Variants in CFAP100 observed in about 807,000 individuals in gnomAD.
CFAP100 encodes the protein cilia- and flagella-associated protein 100.
A neutral mutation model predicts 81.5 loss-of-function variants in CFAP100; 70 were observed. The observed-to-expected ratio is 0.86, with a 90% CI of 0.71 to 1.05. The LOEUF is 1.05. Among genes scored for constraint, CFAP100 ranks in the 50% least tolerant of loss-of-function variants. The pLI, the probability that CFAP100 is intolerant of heterozygous loss-of-function variation, is 0.00. For synonymous variants in CFAP100, 341 were observed against 314.8 expected, an observed-to-expected ratio of 1.08 and a Z score of -0.88; for missense variants, 811 against 776.5, an observed-to-expected ratio of 1.04 and a Z score of -0.53.
At chr3:126,412,684 G>A (rs2083176878) in intron 3 of CFAP100, among the ~76,000 whole-genome samples, 2 of 152,098 alleles carry the variant, frequency 1.3e-5, no homozygotes, top group Non-Finnish European at 2.9e-5. Context: ...TTTGGGGTGG[G>A]CTCATCTTCA....
Position 126,418,374 on chromosome 3 carries a change from G to A in CFAP100, c.419-84G>A, listed in dbSNP as rs576875307. 1.4e-4 allele frequency: 175 copies of A among 1,249,336 alleles called. 1 individual carries two copies. The highest frequency in any genetic ancestry group is 1.3e-3 in the South Asian group (107 of 82,586). 77.4% of individuals were successfully genotyped at this position (1,249,336 alleles called of 1,614,324 possible). A position where few individuals can be genotyped will look rare whatever the true frequency, so the allele number is the denominator to read the frequency against. On this transcript the variant is annotated intron_variant, in intron 5 of 16. Coordinates refer to ENST00000352312, the MANE Select transcript of CFAP100 (RefSeq NM_182628.3). ...GGACGCAAAGCAGTGGCCAGCAGCC[G>A]GTGGAAGGCTCCTCTGCAGACCTGC...
chr3:126,427,418 C>A (rs1371018385), intron 13 of CFAP100, among the ~76,000 whole-genome samples: 1 of 152,086 alleles, frequency 6.6e-6, no homozygotes, highest in Non-Finnish European at 1.5e-5. Context: ...AATGGATAAC[C>A]AAAGTAGCTG....
Position 126,433,107 on chromosome 3 carries a change from C to CA in CFAP100, c.1327dup (p.Met443AsnfsTer14), listed in dbSNP as rs1560082302. On this transcript the variant is annotated frameshift_variant, in exon 14 of 17. Transcript: ENST00000352312. LOFTEE classifies it high-confidence loss of function. ...AACCAGCTGAAGCAGTGGGTCACCA[C>CA]AATGATGATGTCCATCACCAAGGAG... The CA allele has an allele frequency of 5.6e-6, 9 of 1,614,078 alleles. No individual in the cohort carries two copies. The East Asian group carries it at 8.9e-5, about 16-fold the overall frequency.
intron 13 of CFAP100, among the ~76,000 whole-genome samples, chr3:126,425,046 G>A (rs2083387358): frequency 6.6e-6 from 1 of 152,246 alleles, no homozygotes; most frequent in Admixed American, 6.5e-5. Flanking sequence ...CCCAGCCTCA[G>A]GCAAGACTAT....
chr3:126,408,016 C>T (rs1201510227), intron 3 of CFAP100, among the ~76,000 whole-genome samples: 1 of 152,164 alleles, frequency 6.6e-6, no homozygotes, highest in Non-Finnish European at 1.5e-5. Context: ...TGCTCCATGG[C>T]CCAGGCTCCC....
intron 2 of CFAP100, among the ~76,000 whole-genome samples, chr3:126,398,931 G>A (rs989639110): frequency 5.9e-5 from 9 of 152,082 alleles, no homozygotes; most frequent in African/African-American, 1.2e-4. Context: ...CAACTTCACC[G>A]GCTCCATCCA....
intron 13 of CFAP100, among the ~76,000 whole-genome samples, chr3:126,430,119 A>G (rs532605254): frequency 6.6e-6 from 1 of 152,204 alleles, no homozygotes; most frequent in Non-Finnish European, 1.5e-5. Flanking sequence ...TTTCATTATA[A>G]TATGTCCCAA....
intron 7 of CFAP100, 30 bp from the exon 8 acceptor site, chr3:126,419,046 A>ACCCCCCCCCCCCCCCC: frequency 5.4e-6 from 1 of 184,494 alleles, no homozygotes; most frequent in Non-Finnish European, 9.6e-6. Flanking sequence ...CCTTGCCCCC[A>ACCCCCCCCCCCCCCCC]TCCCTCCTCC....
chr3:126,421,959 C>T (rs973161632), intron 11 of CFAP100, among the ~76,000 whole-genome samples: 5 of 152,270 alleles, frequency 3.3e-5, no homozygotes, highest in Non-Finnish European at 7.3e-5. Flanking sequence ...AGGGCTCCCT[C>T]AGCCATGGAC....
At chr3:126,414,391 C>A (rs1349668437) in intron 4 of CFAP100, 2 of 671,348 alleles carry the variant, frequency 3.0e-6, no homozygotes, top group Non-Finnish European at 5.4e-6. Flanking sequence ...CCGTCTGTCA[C>A]CACTCTTCTT....
Position 126,432,914 on chromosome 3 carries a change from C to T in CFAP100, c.1287-155C>T, listed in dbSNP as rs1379012054. On this transcript the variant is annotated intron_variant, in intron 13 of 16. Coordinates refer to ENST00000352312, the MANE Select transcript of CFAP100 (RefSeq NM_182628.3). Reference sequence around the variant, plus strand: ...TTTCCCCTACATTCTACCAGCATTTCTGACCCCCTGGGCATGCAGAGACTT... The same window carrying T: ...TTTCCCCTACATTCTACCAGCATTTTTGACCCCCTGGGCATGCAGAGACTT... 3.9e-5 allele frequency: 24 copies of T among 615,140 alleles called. No individual in the cohort carries two copies. In the Admixed American group the frequency reaches 8.5e-4, roughly 22 times the overall value. 38.1% of individuals were successfully genotyped at this position (615,140 alleles called of 1,614,324 possible). A position where few individuals can be genotyped will look rare whatever the true frequency, so the allele number is the denominator to read the frequency against.
intron 7 of CFAP100, 56 bp from the exon 8 acceptor site, chr3:126,419,020 T>C (rs2083287317): frequency 1.8e-6 from 2 of 1,142,796 alleles, no homozygotes; most frequent in Admixed American, 4.5e-5. Flanking sequence ...CCCTCTTTAA[T>C]AGGCTGCCAC....
chr3:126,401,394 ATT>A (rs1553787527), intron 2 of CFAP100, among the ~76,000 whole-genome samples: 14 of 80,926 alleles, frequency 1.7e-4, no homozygotes, highest in East Asian at 4.6e-4. Context: ...GGCAAATCGT[ATT>A]TTATATATAT....
rs945114766 is a variant in CFAP100 at position 126,418,900 on chromosome 3, G to A, written c.650+126G>A. 60 of 1,249,260 alleles carry A rather than the reference G, an allele frequency of 4.8e-5. 2 individuals are homozygous for A. Among genetic ancestry groups the A allele is most frequent in the South Asian group, 1.3e-4 (9 of 70,814 alleles). 77.4% of individuals were successfully genotyped at this position (1,249,260 alleles called of 1,614,324 possible). On this transcript the variant is annotated intron_variant, in intron 7 of 16. Coordinates refer to ENST00000352312, the MANE Select transcript of CFAP100 (RefSeq NM_182628.3). ...CAACTCCTCTGGAAGCACCAGGGCCGGTCGGGAGCCAAGGGCAGGGGACAC... is the reference window on the plus strand; with the variant it reads ...CAACTCCTCTGGAAGCACCAGGGCCAGTCGGGAGCCAAGGGCAGGGGACAC...
chr3:126,409,615 G>C (rs915427279), intron 3 of CFAP100, among the ~76,000 whole-genome samples: 1 of 152,146 alleles, frequency 6.6e-6, no homozygotes, highest in Non-Finnish European at 1.5e-5. Flanking sequence ...GTACACCATC[G>C]ATCCTTTTAA....
At chr3:126,399,789 A>T (rs1424098067) in intron 2 of CFAP100, among the ~76,000 whole-genome samples, 1 of 152,162 alleles carries the variant, frequency 6.6e-6, no homozygotes. Context: ...GGAGGCTGGG[A>T]CATTTTAGTG....
rs776299501 is a variant in CFAP100, at chr3:126,434,371, C to T, written c.1618C>T (p.Arg540Trp). The T allele has an allele frequency of 3.0e-5, 49 of 1,612,956 alleles. No homozygotes were observed. The highest frequency in any genetic ancestry group is 3.4e-4 in the Middle Eastern group (2 of 5,942). The part of the protein sequence containing the change: ...EQAERAKEKE[R>W]RIRLREEKLQ... ...GGCCGAGAGGGCAAAGGAGAAGGAG[C>T]GGCGCATCAGGTGAGCTCTAGGCTC... The change falls in exon 15 of 17, where the codon CGG becomes TGG. Residue 540 changes from arginine (R) to tryptophan (W), a missense_variant. Physicochemically the swap from Arg to Trp is moderately radical, Grantham distance 101 (BLOSUM62 -3). Transcript: ENST00000352312.
rs550708406 is a variant in CFAP100, at chr3:126,417,056, T to G, written c.418+548T>G. ...CTGCTGTATTGCGTGATTCGGAAGG[T>G]GGGCAGTGTACAGTGGGCGCAGGCT... On this transcript the variant is annotated intron_variant, in intron 5 of 16. Coordinates refer to ENST00000352312, the MANE Select transcript of CFAP100 (RefSeq NM_182628.3). Among the ~76,000 whole-genome samples the G allele has an allele frequency of 1.2e-4, 19 of 152,266 alleles. 1 individual carries two copies. The East Asian group carries it at 3.5e-3, about 28-fold the overall frequency.
At chr3:126,397,059 A>G (rs1172316245) in intron 2 of CFAP100, among the ~76,000 whole-genome samples, 2 of 152,238 alleles carry the variant, frequency 1.3e-5, no homozygotes, top group African/African-American at 2.4e-5. Flanking sequence ...AAATGTGTGT[A>G]GATGAGGTTT....
Sources: allele counts gnomAD v4.1 joint callset (sites outside exome capture counted in the v4.1 genomes callset), GRCh38; gene constraint gnomAD v4.1.1; transcripts MANE v1.5; gene names NCBI Gene and HGNC (gene_info 2026-07-23, HGNC 2026-07-21).